Variants in MYO18B observed in about 807,000 individuals in gnomAD.
The protein encoded by MYO18B is unconventional myosin-XVIIIb.
MYO18B carries 204 observed loss-of-function variants against 273.0 expected under a neutral mutation model. The observed-to-expected ratio is 0.75, with a 90% confidence interval of 0.67 to 0.84. The LOEUF is 0.84. Ranked by LOEUF, MYO18B falls within the 40% of genes least tolerant of loss-of-function variation. The pLI is 0.00. For missense variants in MYO18B, 3,212 were observed against 3,287.6 expected (o/e 0.98, Z 0.56); for synonymous variants, 1,330 against 1,305.7 (o/e 1.02, Z -0.40).
intron 28 of MYO18B, chr22:25,897,541 A>G (rs1174528068): frequency 6.6e-6 from 1 of 152,224 alleles, no homozygotes. Context: ...GAAGGGGGAT[A>G]TTTATGCTAC....
chr22:25,828,955 A>C lies in MYO18B; in HGVS notation c.2966A>C (p.Gln989Pro), dbSNP rs61738745. 1.2e-6 allele frequency: 2 copies of C among 1,613,822 alleles called. No homozygotes were observed. The highest frequency in any genetic ancestry group is 2.2e-5 in the South Asian group (2 of 91,074). ...CAGCGGACCTTTGTCTCCACGCTAC[A>C]GCGATATCAAGAGGTATGCCTGGGC... ...FYQRTFVSTLQRYQEEGVPVQ... is the reference protein window; with the variant it reads ...FYQRTFVSTLPRYQEEGVPVQ... The change falls in exon 15 of 44, where the codon CAG becomes CCG. Residue 989 changes from glutamine (Q) to proline (P), a missense_variant. Coordinates refer to ENST00000335473, the MANE Select transcript of MYO18B (RefSeq NM_032608.7).
intron 1 of MYO18B, among the ~76,000 whole-genome samples, chr22:25,752,010 T>G (rs986526796): frequency 2.0e-5 from 3 of 152,266 alleles, no homozygotes; most frequent in Admixed American, 6.5e-5. Context: ...TCAAAGGATG[T>G]GAACTCAGGC....
chr22:25,869,755 C>T (rs940461526), intron 22 of MYO18B, among the ~76,000 whole-genome samples: 16 of 152,130 alleles, frequency 1.1e-4, no homozygotes, highest in African/African-American at 3.9e-4. Context: ...ACTCAGGGAG[C>T]TCACAGTCAT....
intron 20 of MYO18B, among the ~76,000 whole-genome samples, chr22:25,850,220 A>G: frequency 6.6e-6 from 1 of 152,172 alleles, no homozygotes; most frequent in East Asian, 1.9e-4. Context: ...AGATTTTACC[A>G]TACCTTTTCT....
At chr22:25,958,313 C>T (rs914765615) in intron 39 of MYO18B, among the ~76,000 whole-genome samples, 2 of 152,146 alleles carry the variant, frequency 1.3e-5, no homozygotes, top group African/African-American at 4.8e-5. Flanking sequence ...GAGGAAGGCA[C>T]ATTTCTGCTT....
intron 34 of MYO18B, among the ~76,000 whole-genome samples, chr22:25,944,704 G>C (rs184250806): frequency 6.6e-6 from 1 of 152,028 alleles, no homozygotes; most frequent in Non-Finnish European, 1.5e-5. Flanking sequence ...AAAATTAGCC[G>C]TGCATGGTGG....
intron 12 of MYO18B, among the ~76,000 whole-genome samples, chr22:25,799,742 G>C (rs997679305): frequency 2.6e-5 from 4 of 152,166 alleles, no homozygotes; most frequent in African/African-American, 9.7e-5. Flanking sequence ...TTAACCCATT[G>C]TTTTGATTTT....
chr22:25,907,989 C>T (rs1014866284), intron 31 of MYO18B, among the ~76,000 whole-genome samples: 6 of 148,886 alleles, frequency 4.0e-5, no homozygotes, highest in Admixed American at 6.7e-5. Context: ...GCCGAGATTG[C>T]GCCGTGGCAC....
chr22:26,004,929 A>G lies in MYO18B; in HGVS notation c.6470+74A>G, dbSNP rs568138869. The G allele has an allele frequency of 8.9e-6, 14 of 1,577,994 alleles. No individual in the cohort carries two copies. In the East Asian group the frequency reaches 2.0e-4, roughly 23 times the overall value. On this transcript the variant is annotated intron_variant, in intron 42 of 43. Transcript: ENST00000335473. ...CTCAGACTTTGAAAGTTGTTGTTCA[A>G]GTCTTTCATTGTCTCTGGCATAGGC... is the stretch of plus-strand genomic sequence containing the variant.
At chr22:25,872,145 A>G (rs2091064824) in intron 22 of MYO18B, among the ~76,000 whole-genome samples, 1 of 152,218 alleles carries the variant, frequency 6.6e-6, no homozygotes, top group Non-Finnish European at 1.5e-5. Context: ...ATGGAGGGTT[A>G]GGAAACAGAG....
intron 23 of MYO18B, among the ~76,000 whole-genome samples, chr22:25,875,259 C>G (rs1432966250): frequency 2.0e-5 from 3 of 152,236 alleles, no homozygotes; most frequent in African/African-American, 7.2e-5. Flanking sequence ...TGCTCTGGCA[C>G]TGAGAAGCTG....
At chr22:25,952,007 A>T (rs2092797948) in intron 37 of MYO18B, among the ~76,000 whole-genome samples, 2 of 152,156 alleles carry the variant, frequency 1.3e-5, no homozygotes, top group African/African-American at 2.4e-5. Flanking sequence ...GAAGGGAAGC[A>T]CTGATTAAAA....
intron 39 of MYO18B, among the ~76,000 whole-genome samples, chr22:25,987,699 C>T (rs955407269): frequency 1.3e-5 from 2 of 151,834 alleles, no homozygotes; most frequent in East Asian, 1.9e-4. Context: ...TTTGTATTGC[C>T]GGCACCTAGA....
intron 2 of MYO18B, among the ~76,000 whole-genome samples, 195 bp downstream of exon 2, chr22:25,761,326 T>A (rs1326616924): frequency 8.4e-5 from 11 of 131,582 alleles, no homozygotes. Flanking sequence ...TGGACACTGA[T>A]GGCCATACCC....
chr22:25,867,219 C>T (rs900119437), intron 21 of MYO18B, among the ~76,000 whole-genome samples: 1 of 151,612 alleles, frequency 6.6e-6, no homozygotes, highest in Non-Finnish European at 1.5e-5. Flanking sequence ...TCACAACATC[C>T]ATCTGCACAA....
intron 11 of MYO18B, among the ~76,000 whole-genome samples, chr22:25,789,886 C>T (rs774102736): frequency 5.9e-5 from 9 of 152,202 alleles, no homozygotes; most frequent in Non-Finnish European, 1.0e-4. Flanking sequence ...GGCATGGTGG[C>T]TCATGCCTGT....
chr22:26,022,669 T>C (rs1021243347), intron 42 of MYO18B, among the ~76,000 whole-genome samples: 1 of 152,222 alleles, frequency 6.6e-6, no homozygotes, highest in Non-Finnish European at 1.5e-5. Flanking sequence ...CTTGTATTCC[T>C]GTTTTAAGCT....
Position 25,903,882 on chromosome 22 carries a change from G to A in MYO18B, c.5148+51G>A. 2.0e-6 allele frequency: 3 copies of A among 1,537,952 alleles called. No individual in the cohort carries two copies. In the South Asian group the frequency reaches 3.6e-5, roughly 19 times the overall value. On this transcript the variant is annotated intron_variant, in intron 31 of 43. Coordinates refer to ENST00000335473, the MANE Select transcript of MYO18B (RefSeq NM_032608.7). ...CACCCTGTCCCATGTCTCCAATGCA[G>A]AGTGATGTTATTAAAATACAATGTG...
intron 12 of MYO18B, among the ~76,000 whole-genome samples, chr22:25,815,960 A>C (rs911654324): frequency 6.6e-6 from 1 of 152,198 alleles, no homozygotes; most frequent in African/African-American, 2.4e-5. Context: ...ACTCAGCATC[A>C]ATTTATAGAT....
Sources: gnomAD v4.1 joint callset for allele counts (sites outside exome capture counted in the v4.1 genomes callset) on GRCh38, gnomAD v4.1.1 for gene constraint, MANE v1.5 for transcripts, NCBI Gene and HGNC (gene_info 2026-07-23, HGNC 2026-07-21) for gene names.